The following CSMD1 variants were observed in gnomAD, a reference collection of about 807,000 sequenced individuals.
The protein encoded by CSMD1 is CUB and sushi domain-containing protein 1.
A neutral mutation model predicts 417.5 loss-of-function variants in CSMD1; 213 were observed. That is an observed-to-expected ratio of 0.51 (90% CI 0.46 to 0.57). CSMD1 has a LOEUF of 0.57. Among genes scored for constraint, CSMD1 ranks in the 20% least tolerant of loss-of-function variants. CSMD1 has a pLI of 0.00. For missense variants in CSMD1, 6,923 were observed against 4,529.7 expected (o/e 1.53, Z -15.17); for synonymous variants, 2,862 against 1,736.8 (o/e 1.65, Z -16.11).
rs574421875 is a variant in CSMD1, at chr8:4,194,854, G to A, written c.416-162755C>T. ...AAAGTTTGTTTCAGGATCTCCCACT[G>A]TATTATACCCATTTTCATTGGTCAG... On this transcript the variant is annotated intron_variant, in intron 3 of 69. Transcript: ENST00000635120. Among the ~76,000 whole-genome samples the A allele has an allele frequency of 1.1e-4, 17 of 152,078 alleles. No homozygotes were observed. In the East Asian group the frequency reaches 2.5e-3, roughly 22 times the overall value.
At chr8:4,212,040 G>C (rs79920181) in intron 3 of CSMD1, among the ~76,000 whole-genome samples, 2,677 of 151,920 alleles carry the variant, frequency 0.018, 39 homozygotes, top group Non-Finnish European at 0.025. Context: ...GCAATAAAAG[G>C]ACCTTAATAA....
At chr8:3,453,858 G>C (rs1357811601) in intron 12 of CSMD1, among the ~76,000 whole-genome samples, 1 of 152,116 alleles carries the variant, frequency 6.6e-6, no homozygotes, top group Non-Finnish European at 1.5e-5. Flanking sequence ...TTCAATTCCT[G>C]GATATCCTTG....
chr8:4,884,738 C>G (rs148425626), intron 1 of CSMD1, among the ~76,000 whole-genome samples: 207 of 152,132 alleles, frequency 1.4e-3, no homozygotes, highest in Non-Finnish European at 2.4e-3. Flanking sequence ...TAGGTCTATC[C>G]TTAAGTCACT....
intron 2 of CSMD1, among the ~76,000 whole-genome samples, chr8:4,532,949 G>A (rs895928089): frequency 6.6e-6 from 1 of 151,996 alleles, no homozygotes; most frequent in African/African-American, 2.4e-5. Flanking sequence ...AGTCACTCCG[G>A]AAGAGAAATC....
At chr8:4,115,641 T>C (rs987206055) in intron 3 of CSMD1, among the ~76,000 whole-genome samples, 9 of 152,318 alleles carry the variant, frequency 5.9e-5, no homozygotes, top group Admixed American at 3.9e-4. Context: ...CCTGAATGTT[T>C]ATATGTGCTT....
At chr8:3,887,145 T>C (rs1299221322) in intron 5 of CSMD1, among the ~76,000 whole-genome samples, 3 of 152,072 alleles carry the variant, frequency 2.0e-5, no homozygotes. Context: ...TGGGTGAGGA[T>C]GATGGCATGC....
At chr8:3,090,994 T>C (rs1585323314) in intron 48 of CSMD1, among the ~76,000 whole-genome samples, 1 of 152,224 alleles carries the variant, frequency 6.6e-6, no homozygotes, top group South Asian at 2.1e-4. Context: ...GGCAAAATAA[T>C]TTACATTTTG....
intron 48 of CSMD1, among the ~76,000 whole-genome samples, chr8:3,088,185 GA>G (rs1290719001): frequency 6.6e-6 from 1 of 152,170 alleles, no homozygotes; most frequent in Non-Finnish European, 1.5e-5. Context: ...TACCCACACA[GA>G]ATGTCATATT....
chr8:4,177,288 G>C (rs373193544), intron 3 of CSMD1, among the ~76,000 whole-genome samples: 2 of 151,946 alleles, frequency 1.3e-5, no homozygotes, highest in Admixed American at 1.3e-4. Context: ...ACTCAAAACC[G>C]CTCAACTACA....
At chr8:3,789,726 A>ATTTT (rs55917452) in intron 5 of CSMD1, among the ~76,000 whole-genome samples, 3 of 101,120 alleles carry the variant, frequency 3.0e-5, no homozygotes, top group Non-Finnish European at 5.6e-5. Context: ...ATCATGGTTA[A>ATTTT]TTTTTTTTTT....
chr8:4,304,645 C>G (rs1798148989), intron 3 of CSMD1, among the ~76,000 whole-genome samples: 1 of 152,146 alleles, frequency 6.6e-6, no homozygotes, highest in Non-Finnish European at 1.5e-5. Context: ...CACTGCTACT[C>G]ATACCCAAAT....
At chr8:3,229,868 A>G (rs1798731326) in intron 27 of CSMD1, among the ~76,000 whole-genome samples, 172 bp downstream of exon 27, 1 of 152,194 alleles carries the variant, frequency 6.6e-6, no homozygotes, top group Non-Finnish European at 1.5e-5. Flanking sequence ...TCTACCTCAT[A>G]AAATAAAGTT....
intron 1 of CSMD1, among the ~76,000 whole-genome samples, chr8:4,680,202 T>C (rs963876845): frequency 6.6e-6 from 1 of 152,220 alleles, no homozygotes; most frequent in Non-Finnish European, 1.5e-5. Context: ...GATCTAATTG[T>C]GTTCTGCAAA....
At chr8:3,684,169 T>C (rs1799813238) in intron 7 of CSMD1, among the ~76,000 whole-genome samples, 1 of 140,450 alleles carries the variant, frequency 7.1e-6, no homozygotes, top group Non-Finnish European at 1.5e-5. Flanking sequence ...ATATAATATA[T>C]ATTTACATGT....
At chr8:4,365,463 T>C (rs996557195) in intron 3 of CSMD1, among the ~76,000 whole-genome samples, 3 of 152,228 alleles carry the variant, frequency 2.0e-5, no homozygotes, top group Non-Finnish European at 2.9e-5. Flanking sequence ...GATTGTCTGT[T>C]CTTTTTCTCC....
At chr8:3,185,352 T>C (rs1821681612) in intron 36 of CSMD1, among the ~76,000 whole-genome samples, 1 of 152,188 alleles carries the variant, frequency 6.6e-6, no homozygotes, top group African/African-American at 2.4e-5. Context: ...AGAGGCAATG[T>C]GGTCACTTCT....
intron 26 of CSMD1, among the ~76,000 whole-genome samples, chr8:3,256,309 G>GAA (rs61572877): frequency 4.9e-5 from 4 of 81,438 alleles, no homozygotes; most frequent in African/African-American, 9.8e-5. Context: ...TAAGTCTCAA[G>GAA]AAAAAAAAAA....
chr8:4,837,431 T>C (rs1170288644), intron 1 of CSMD1, among the ~76,000 whole-genome samples: 1 of 152,174 alleles, frequency 6.6e-6, no homozygotes, highest in African/African-American at 2.4e-5. Context: ...TGAGATTCTA[T>C]CATTTGCAAC....
At chr8:3,699,495 G>T (rs1800729716) in intron 7 of CSMD1, among the ~76,000 whole-genome samples, 1 of 152,198 alleles carries the variant, frequency 6.6e-6, no homozygotes, top group Non-Finnish European at 1.5e-5. Flanking sequence ...AGGACTTGGT[G>T]GCGCCTCACA....
Sources: gnomAD v4.1 joint callset for allele counts (sites outside exome capture counted in the v4.1 genomes callset) on GRCh38, gnomAD v4.1.1 for gene constraint, MANE v1.5 for transcripts, NCBI Gene and HGNC (gene_info 2026-07-23, HGNC 2026-07-21) for gene names.